FIBP: variants seen among roughly 807,000 people sequenced by gnomAD.
The protein encoded by FIBP is FGF1 intracellular binding protein, also known as acidic fibroblast growth factor intracellular-binding protein.
Under a neutral mutation model 40.5 loss-of-function variants are expected in FIBP, and 29 were observed. The observed-to-expected ratio is 0.72, with a 90% CI of 0.53 to 0.98. The LOEUF (loss-of-function observed/expected upper bound fraction) is 0.98. Ranked by LOEUF, FIBP falls within the 50% of genes least tolerant of loss-of-function variation. The pLI, the probability that FIBP is intolerant of heterozygous loss-of-function variation, is 0.00. For missense variants in FIBP, 411 were observed against 470.2 expected (o/e 0.87, Z 1.16); for synonymous variants, 215 against 191.1 (o/e 1.13, Z -1.03).
Position 65,884,669 on chromosome 11 carries a change from G to C in FIBP, c.820-13C>G. ...CCCGGGACAGGTTCTGTGGGGCAGGGATCCTTGGAGCTCTGCTTTCTGCCC... is the reference window on the plus strand; with the variant it reads ...CCCGGGACAGGTTCTGTGGGGCAGGCATCCTTGGAGCTCTGCTTTCTGCCC... On this transcript the variant is annotated splice_polypyrimidine_tract_variant and intron_variant, in intron 7 of 9. Transcript: ENST00000357519. The C allele has an allele frequency of 6.2e-7, 1 of 1,613,570 alleles. No individual in the cohort carries two copies. Among genetic ancestry groups the C allele is most frequent in the South Asian group, 1.1e-5 (1 of 91,080 alleles).
At chr11:65,884,733 G>A in intron 7 of FIBP, 77 bp from the exon 8 acceptor site, 1 of 1,465,274 alleles carries the variant, frequency 6.8e-7, no homozygotes, top group Non-Finnish European at 9.6e-7. Context: ...GGGGGAGGAG[G>A]AGCAGGCCCC....
Position 65,886,399 on chromosome 11 carries a change from G to C in FIBP, c.435C>G (p.Phe145Leu). 6.2e-7 allele frequency: 1 copy of C among 1,613,830 alleles called. No individual in the cohort carries two copies. The highest frequency in any genetic ancestry group is 8.5e-7 in the Non-Finnish European group (1 of 1,179,784). Residue 145 changes from phenylalanine (F) to leucine (L), a missense_variant, in exon 4 of 10, where the codon TTC (phenylalanine) becomes TTG (leucine). Physicochemically the swap from Phe to Leu is conservative, Grantham distance 22. Coordinates refer to ENST00000357519, the MANE Select transcript of FIBP (RefSeq NM_004214.5). ...AGCCCCGCATTTCCTCTACCACCTT[G>C]AAGACCCGTTTAAAGTTGTCAAACT... ...RRQFDNFKRV[F>L]KVVEEMRGSL... is the part of the protein sequence containing the mutation.
chr11:65,883,976 A>G lies in FIBP; in HGVS notation c.1072T>C (p.Ter358ArgextTer?), dbSNP rs1305022163. The G allele has an allele frequency of 6.2e-7, 1 of 1,613,616 alleles. No individual in the cohort carries two copies. The highest frequency in any genetic ancestry group is 8.5e-7 in the Non-Finnish European group (1 of 1,179,792). ...TGGGCGGAGCGTTGGGAGGCACCTC[A>G]GTCATGATACAGGCGCAGGAGGCAG... ...RGCLLRLYHD[*>R] The change falls in exon 10 of 10, where the codon TGA becomes CGA. Residue 358 changes from the stop codon to arginine (R), a stop_lost. Coordinates refer to ENST00000357519, the MANE Select transcript of FIBP (RefSeq NM_004214.5).
rs911218455 is a variant in FIBP at position 65,888,445 on chromosome 11, G to A, written c.-27C>T. On this transcript the variant is annotated 5_prime_UTR_variant, in exon 1 of 10. Coordinates refer to ENST00000357519, the MANE Select transcript of FIBP (RefSeq NM_004214.5). The stretch of plus-strand genomic sequence containing the variant: ...GCGACGCCCGGGGCCGCAGCGCCCC[G>A]AGCAGGAGCGAGCACTGCTCGGGAC... 2.6e-6 allele frequency: 4 copies of A among 1,534,120 alleles called. No individual in the cohort carries two copies. The highest frequency in any genetic ancestry group is 1.2e-5 in the South Asian group (1 of 84,066).
intron 4 of FIBP, 103 bp from the exon 5 acceptor site, chr11:65,885,766 T>C (rs1203265837): frequency 2.6e-6 from 3 of 1,162,418 alleles, no homozygotes; most frequent in Non-Finnish European, 3.7e-6. Flanking sequence ...GGCCTCTCTC[T>C]GCCTCAAGTC....
chr11:65,886,303 G>C lies in FIBP; in HGVS notation c.512+19C>G, dbSNP rs780667722. 5 of 1,554,082 alleles carry C rather than the reference G, an allele frequency of 3.2e-6. No homozygotes were observed. The South Asian group carries it at 4.5e-5, about 14-fold the overall frequency. ...CCCAGGAAGTAGTGTGCGGGATGGG[G>C]AGGTGGCTAGCTCCTCACCTGGCCA... On this transcript the variant is annotated intron_variant, in intron 4 of 9. Coordinates refer to ENST00000357519, the MANE Select transcript of FIBP (RefSeq NM_004214.5).
chr11:65,885,836 G>C (rs1048957014), intron 4 of FIBP, 173 bp from the exon 5 acceptor site: 11 of 645,004 alleles, frequency 1.7e-5, no homozygotes, highest in Middle Eastern at 4.2e-4. Context: ...GCGAAGAGAA[G>C]GTTCCAGCTC....
intron 9 of FIBP, 156 bp downstream of exon 9, chr11:65,884,236 C>T: frequency 1.3e-6 from 1 of 780,110 alleles, no homozygotes; most frequent in Non-Finnish European, 2.1e-6. Flanking sequence ...CCAAATCACA[C>T]AGCTTCTAAG....
In FIBP at chr11:65,885,107, A is replaced by T. The variant is rs1860199535; in HGVS notation, c.726T>A (p.Ala242=). The T allele has an allele frequency of 6.2e-7, 1 of 1,613,136 alleles. No individual in the cohort carries two copies. The highest frequency in any genetic ancestry group is 1.1e-5 in the South Asian group (1 of 91,074). ...QDLKELKVLV[A]DKDLLDLHKS... is the part of the protein sequence containing the mutation. ...TGTGCAGGTCCAGAAGGTCCTTGTC[A>T]GCCACTAGCACCTTGAGCTCCTTCA... The change falls in exon 6 of 10, where the codon GCT becomes GCA. Residue 242 remains alanine, a synonymous_variant. Coordinates refer to ENST00000357519, the MANE Select transcript of FIBP (RefSeq NM_004214.5).
Position 65,886,379 on chromosome 11 carries a change from C to G in FIBP, c.455G>C (p.Arg152Pro). 6.2e-7 allele frequency: 1 copy of G among 1,613,912 alleles called. No homozygotes were observed. The change falls in exon 4 of 10, where the codon CGG (arginine) becomes CCG (proline). Residue 152 changes from arginine (R) to proline (P), a missense_variant. Transcript: ENST00000357519. ...KRVFKVVEEMRGSLVDNIQQH... is the reference protein window; with the variant it reads ...KRVFKVVEEMPGSLVDNIQQH... Reference sequence around the variant, plus strand: ...CTGAATATTGTCCACCAGGGAGCCCCGCATTTCCTCTACCACCTTGAAGAC... The same window carrying G: ...CTGAATATTGTCCACCAGGGAGCCCGGCATTTCCTCTACCACCTTGAAGAC...
Position 65,888,179 on chromosome 11 carries a change from G to A in FIBP, c.86-47C>T, listed in dbSNP as rs762003111. On this transcript the variant is annotated intron_variant, in intron 1 of 9. Coordinates refer to ENST00000357519, the MANE Select transcript of FIBP (RefSeq NM_004214.5). Reference sequence around the variant, plus strand: ...CAGGCCCCGCCCCGCCGACGCCAGAGGCCCTTAAGGGTTTCCATCCCAGAC... The same window carrying A: ...CAGGCCCCGCCCCGCCGACGCCAGAAGCCCTTAAGGGTTTCCATCCCAGAC... 1.6e-5 allele frequency: 24 copies of A among 1,517,472 alleles called. No homozygotes were observed. In the African/African-American group the frequency reaches 3.2e-4, roughly 20 times the overall value. The allele number at this position is 1,517,472 out of a possible 1,614,324, so 94.0% of individuals were successfully genotyped here.
In FIBP at chr11:65,886,396, C is replaced by T. The variant is rs1555046251; in HGVS notation, c.438G>A (p.Lys146=). 6.2e-7 allele frequency: 1 copy of T among 1,613,882 alleles called. No homozygotes were observed. The highest frequency in any genetic ancestry group is 8.5e-7 in the Non-Finnish European group (1 of 1,179,870). ...RQFDNFKRVF[K]VVEEMRGSLV... is the part of the protein sequence containing the mutation. Reference sequence around the variant, plus strand: ...GGGAGCCCCGCATTTCCTCTACCACCTTGAAGACCCGTTTAAAGTTGTCAA... The same window carrying T: ...GGGAGCCCCGCATTTCCTCTACCACTTTGAAGACCCGTTTAAAGTTGTCAA... Residue 146 remains lysine, a synonymous_variant, in exon 4 of 10, where the codon AAG becomes AAA. Transcript: ENST00000357519.
At chr11:65,884,099 G>T in intron 9 of FIBP, 56 bp from the exon 10 acceptor site, 1 of 1,386,014 alleles carries the variant, frequency 7.2e-7, no homozygotes, top group Non-Finnish European at 1.0e-6. Context: ...CGTGATGGAG[G>T]CCCTGCCCTG....
At chr11:65,886,256 G>A in intron 4 of FIBP, 66 bp downstream of exon 4, 1 of 1,065,064 alleles carries the variant, frequency 9.4e-7, no homozygotes, top group Non-Finnish European at 1.5e-6. Flanking sequence ...TTTGGGGTAG[G>A]GAAGGTGGAC....
chr11:65,888,402 T>A lies in FIBP; in HGVS notation c.17A>T (p.Asp6Val). The A allele has an allele frequency of 1.3e-6, 2 of 1,567,030 alleles. No individual in the cohort carries two copies. Among genetic ancestry groups the A allele is most frequent in the Non-Finnish European group, 1.7e-6 (2 of 1,155,506 alleles). Residue 6 changes from aspartate to valine, a missense_variant, in exon 1 of 10, where the codon GAC becomes GTC. By Grantham distance (152) the Asp-to-Val change is radical. Coordinates refer to ENST00000357519, the MANE Select transcript of FIBP (RefSeq NM_004214.5). MTSELDIFVGNTTLID... is the reference protein window; with the variant it reads MTSELVIFVGNTTLID... ...AAGGGTCGTGTTCCCCACGAAGATG[T>A]CCAGCTCACTGGTCATGGCGACGCC...
intron 9 of FIBP, 116 bp downstream of exon 9, chr11:65,884,276 T>G (rs1860168428): frequency 1.4e-5 from 14 of 989,976 alleles, no homozygotes; most frequent in South Asian, 8.8e-5. Flanking sequence ...GTCCAGAGAC[T>G]TTGGTCCCAC....
At chr11:65,887,552 G>A (rs757465216) in intron 3 of FIBP, 48 bp downstream of exon 3, 5 of 1,607,226 alleles carry the variant, frequency 3.1e-6, no homozygotes, top group Non-Finnish European at 2.6e-6. Flanking sequence ...CAAAGGGAGG[G>A]AGTGAAGTGT....
chr11:65,886,909 A>G (rs1479421015), intron 3 of FIBP: 1 of 171,928 alleles, frequency 5.8e-6, no homozygotes, highest in Non-Finnish European at 1.3e-5. Flanking sequence ...AGGGGTAGAT[A>G]TTGCCAAGAA....
Position 65,885,637 on chromosome 11 carries a change from G to A in FIBP, c.539C>T (p.Ala180Val). 6.2e-7 allele frequency: 1 copy of A among 1,614,114 alleles called. No homozygotes were observed. Among genetic ancestry groups the A allele is most frequent in the Non-Finnish European group, 8.5e-7 (1 of 1,179,974 alleles). Residue 180 changes from alanine (A) to valine (V), a missense_variant, in exon 5 of 10, where the codon GCT (alanine) becomes GTT (valine). Ala to Val is a moderately conservative substitution (Grantham distance 64). Transcript: ENST00000357519. The stretch of plus-strand genomic sequence containing the variant: ...CTTCCCTGTCTCAAAGCGGTTGTTA[G>A]CAAAGAAGACGATGGCTGCATAGTC... ...ARDYAAIVFF[A>V]NNRFETGKKK...
Sources: allele counts gnomAD v4.1 joint callset, GRCh38; gene constraint gnomAD v4.1.1; transcripts MANE v1.5; gene names NCBI Gene and HGNC (gene_info 2026-07-23, HGNC 2026-07-21).